Variants in PIGT observed in about 807,000 individuals in gnomAD.
PIGT encodes the protein GPI-anchor transamidase component PIGT.
A neutral mutation model predicts 66.7 loss-of-function variants in PIGT; 57 were observed. The observed-to-expected ratio is 0.86, with a 90% CI of 0.69 to 1.07. The LOEUF (loss-of-function observed/expected upper bound fraction) is 1.07, where lower values mean the gene tolerates loss of function less well. Ranked by LOEUF, PIGT falls within the 50% of genes least tolerant of loss-of-function variation. The probability of loss-of-function intolerance (pLI) is 0.00; values close to 1 mark genes in which losing one functional copy is unlikely to be tolerated. For missense variants in PIGT, 725 were observed against 740.4 expected (o/e 0.98, Z 0.24); for synonymous variants, 362 against 320.5 (o/e 1.13, Z -1.38).
chr20:45,420,736 A>G, intron 8 of PIGT, 43 bp downstream of exon 8: 5 of 1,599,118 alleles, frequency 3.1e-6, no homozygotes, highest in Non-Finnish European at 2.6e-6. Context: ...CAACGGCTAC[A>G]GAGAAAAGAC....
At position 45,416,623 on chromosome 20, in the gene PIGT, C is replaced by T. The variant is rs761751196; in HGVS notation, c.294C>T (p.Tyr98=). 6.2e-7 allele frequency: 1 copy of T among 1,614,186 alleles called. No homozygotes were observed. Reference sequence around the variant, plus strand: ...CACAAGGCTTTTGGAGGACCCGATACTGGGGGCCACCCTTCCTGCAGGCCC... The same window carrying T: ...CACAAGGCTTTTGGAGGACCCGATATTGGGGGCCACCCTTCCTGCAGGCCC... The part of the protein sequence containing the change: ...SFTQGFWRTR[Y]WGPPFLQAPS... Residue 98 remains tyrosine (Y), a synonymous_variant, in exon 2 of 12, where the codon TAC becomes TAT. Transcript: ENST00000279036.
At chr20:45,423,055 ATTTTTTTTTTTTTTTT>A (rs201759786) in intron 9 of PIGT, 1 of 78,936 alleles carries the variant, frequency 1.3e-5, no homozygotes, top group Non-Finnish European at 2.2e-5. Flanking sequence ...TACAAAAAAA[ATTTTTTTTTTTTTTTT>A]TTTTTTTTTT....
chr20:45,421,812 A>G (rs746092512), intron 9 of PIGT: 9 of 559,088 alleles, frequency 1.6e-5, no homozygotes, highest in Admixed American at 3.1e-5. Context: ...GGTGATTCTT[A>G]ATAGGACTGT....
In PIGT at chr20:45,418,910, C is replaced by T. The variant is rs757652787; in HGVS notation, c.424C>T (p.Leu142Phe). 7.4e-6 allele frequency: 12 copies of T among 1,614,070 alleles called. No homozygotes were observed. The Admixed American group carries it at 2.0e-4, about 27-fold the overall frequency. The change falls in exon 3 of 12, where the codon CTC becomes TTC. Residue 142 changes from leucine to phenylalanine, a missense_variant. Physicochemically the swap from Leu to Phe is conservative, Grantham distance 22 (BLOSUM62 0). Coordinates refer to ENST00000279036, the MANE Select transcript of PIGT (RefSeq NM_015937.6). ...NVLSGIFCASLNFIDSTNTVT... is the reference protein window; with the variant it reads ...NVLSGIFCASFNFIDSTNTVT... ...CCTCTCAGGGATCTTCTGCGCCTCT[C>T]TCAACTTCATCGACTCCACCAACAC...
At chr20:45,418,277 A>G (rs759257444) in intron 2 of PIGT, 59 of 177,926 alleles carry the variant, frequency 3.3e-4, no homozygotes, top group Middle Eastern at 5.3e-3. Context: ...ACATTCAAGG[A>G]AGATCAGTGA....
At chr20:45,423,964 G>C in intron 9 of PIGT, 2 of 504,516 alleles carry the variant, frequency 4.0e-6, no homozygotes, top group Non-Finnish European at 7.2e-6. Context: ...CCCAGTTGTA[G>C]TGATGTGAAG....
At chr20:45,423,937 C>T (rs1990547347) in intron 9 of PIGT, 4 of 438,796 alleles carry the variant, frequency 9.1e-6, no homozygotes, top group African/African-American at 2.0e-5. Flanking sequence ...TCACATCAGG[C>T]ACTTGGTGTC....
Position 45,421,387 on chromosome 20 carries a change from C to A in PIGT, c.1038C>A (p.Ala346=), listed in dbSNP as rs141166012. The change falls in exon 9 of 12, where the codon GCC becomes GCA. Residue 346 remains alanine, a synonymous_variant. Transcript: ENST00000279036. The stretch of plus-strand genomic sequence containing the variant: ...TGTTGATATTTCTTTACACAGAGGC[C>A]CCCCCAGTGCCCTTCCTGCATGCCC... ...LKWKRPPENE[A]PPVPFLHAQR... 90 of 1,612,666 alleles carry A rather than the reference C, an allele frequency of 5.6e-5. No homozygotes were observed. The African/African-American group carries it at 1.1e-3, about 20-fold the overall frequency.
At chr20:45,417,275 A>T (rs1170005176) in intron 2 of PIGT, 1 of 152,252 alleles carries the variant, frequency 6.6e-6, no homozygotes, top group Non-Finnish European at 1.5e-5. Context: ...TGACAAACAC[A>T]GGAATGAGAA....
chr20:45,419,041 C>A, intron 3 of PIGT, 62 bp downstream of exon 3: 1 of 1,604,570 alleles, frequency 6.2e-7, no homozygotes, highest in Non-Finnish European at 8.5e-7. Flanking sequence ...CCTTTGCCTC[C>A]TTTTCCCTCA....
chr20:45,418,752 A>G, intron 2 of PIGT, 100 bp from the exon 3 acceptor site: 1 of 1,454,174 alleles, frequency 6.9e-7, no homozygotes, highest in Non-Finnish European at 9.6e-7. Flanking sequence ...AGTTAAGAAT[A>G]CAGCCTCCTC....
chr20:45,421,272 C>A, intron 8 of PIGT, 111 bp from the exon 9 acceptor site: 1 of 760,268 alleles, frequency 1.3e-6, no homozygotes. Flanking sequence ...AGTGGCAGGG[C>A]TGTTCCCCAT....
chr20:45,424,150 C>T lies in PIGT; in HGVS notation c.1235-66C>T. 2.0e-6 allele frequency: 3 copies of T among 1,473,478 alleles called. No homozygotes were observed. In the Admixed American group the frequency reaches 5.1e-5, roughly 25 times the overall value. 91.3% of individuals were successfully genotyped at this position (1,473,478 alleles called of 1,614,324 possible). A position where few individuals can be genotyped will look rare whatever the true frequency, so the allele number is the denominator to read the frequency against. ...CAGATTGAGGCTCCATGGCAAGCAG[C>T]AGGGACAGGGGCAGCAGGTAGCCTG... On this transcript the variant is annotated intron_variant, in intron 9 of 11. Coordinates refer to ENST00000279036, the MANE Select transcript of PIGT (RefSeq NM_015937.6).
chr20:45,418,753 C>T lies in PIGT; in HGVS notation c.366-99C>T. 4.8e-6 allele frequency: 7 copies of T among 1,452,814 alleles called. No individual in the cohort carries two copies. In the South Asian group the frequency reaches 8.1e-5, roughly 17 times the overall value. 90.0% of individuals were successfully genotyped at this position (1,452,814 alleles called of 1,614,324 possible). On this transcript the variant is annotated intron_variant, in intron 2 of 11. Coordinates refer to ENST00000279036, the MANE Select transcript of PIGT (RefSeq NM_015937.6). ...CTGGCCCGTCTAATAGTTAAGAATA[C>T]AGCCTCCTCCTATCATAGGTTTAGC...
At chr20:45,419,626 G>A in intron 5 of PIGT, 36 bp downstream of exon 5, 2 of 1,441,074 alleles carry the variant, frequency 1.4e-6, no homozygotes, top group Non-Finnish European at 2.0e-6. Context: ...TGCCATCCAG[G>A]GGCTCAGAGA....
Position 45,418,984 on chromosome 20 carries a change from G to A in PIGT, c.493+5G>A. The A allele has an allele frequency of 6.2e-7, 1 of 1,614,112 alleles. No individual in the cohort carries two copies. Among genetic ancestry groups the A allele is most frequent in the Non-Finnish European group, 8.5e-7 (1 of 1,179,980 alleles). On this transcript the variant is annotated splice_donor_5th_base_variant and intron_variant, in intron 3 of 11. Coordinates refer to ENST00000279036, the MANE Select transcript of PIGT (RefSeq NM_015937.6). ...AACCCCTGGGTCTGGCCAATGGTGA[G>A]ATAACCCCTACAGCCCTTTCCTTCT...
At chr20:45,423,556 C>T (rs943085627) in intron 9 of PIGT, 1 of 151,904 alleles carries the variant, frequency 6.6e-6, no homozygotes, top group Non-Finnish European at 1.5e-5. Context: ...ATTCTTAGAG[C>T]AGTTTTAGGT....
In PIGT at chr20:45,416,604, G is replaced by A; in HGVS notation, c.275G>A (p.Gly92Asp). The change falls in exon 2 of 12, where the codon GGC becomes GAC. Residue 92 changes from glycine to aspartate, a missense_variant. By Grantham distance (94) the Gly-to-Asp change is moderately conservative. Around this residue, in one of 3 missense-constraint regions of PIGT, gnomAD observed 559 missense variants for 552.7 expected, o/e 1.01. Coordinates refer to ENST00000279036, the MANE Select transcript of PIGT (RefSeq NM_015937.6). ...LRELHLSFTQ[G>D]FWRTRYWGPP... ...GAGCTGCACCTGTCATTCACACAAG[G>A]CTTTTGGAGGACCCGATACTGGGGG... 2 of 1,614,166 alleles carry A rather than the reference G, an allele frequency of 1.2e-6. No homozygotes were observed. Among genetic ancestry groups the A allele is most frequent in the Non-Finnish European group, 1.7e-6 (2 of 1,180,022 alleles).
Position 45,424,227 on chromosome 20 carries a change from TACCA to T in PIGT, c.1247_1250del (p.Tyr416CysfsTer15). On this transcript the variant is annotated frameshift_variant, in exon 10 of 12. Transcript: ENST00000279036. LOFTEE classifies it high-confidence loss of function. ...TTGCATGTCTCCAGGTTACATCCAC[TACCA>T]GCCTGCCCAGGACCGGCTGCAACCC... 6.2e-7 allele frequency: 1 copy of T among 1,614,156 alleles called. No individual in the cohort carries two copies. Among genetic ancestry groups the T allele is most frequent in the Non-Finnish European group, 8.5e-7 (1 of 1,180,014 alleles).
Sources: allele counts gnomAD v4.1 joint callset, GRCh38; gene constraint gnomAD v4.1.1; regional missense constraint gnomAD v4.1.1; transcripts MANE v1.5; gene names NCBI Gene and HGNC (gene_info 2026-07-23, HGNC 2026-07-21).